Variants in SPATA16 observed in about 807,000 individuals in gnomAD.
SPATA16 encodes spermatogenesis-associated protein 16.
SPATA16 carries 36 observed loss-of-function variants against 63.3 expected under a neutral mutation model. The ratio of observed to expected loss-of-function variants is 0.57; its 90% confidence interval spans 0.44 to 0.75. The LOEUF (loss-of-function observed/expected upper bound fraction) is 0.75, where lower values mean the gene tolerates loss of function less well. Ranked by LOEUF, SPATA16 falls within the 30% of genes least tolerant of loss-of-function variation. SPATA16 has a pLI of 0.00. For missense variants in SPATA16, 646 were observed against 679.3 expected (o/e 0.95, Z 0.54); for synonymous variants, 203 against 216.7 (o/e 0.94, Z 0.56).
intron 10 of SPATA16, among the ~76,000 whole-genome samples, chr3:172,912,174 C>T (rs1312764414): frequency 6.6e-6 from 1 of 152,188 alleles, no homozygotes; most frequent in Non-Finnish European, 1.5e-5. Context: ...TGGAAAACCA[C>T]TACACATTCT....
chr3:173,088,374 C>T (rs1395182952), intron 2 of SPATA16, among the ~76,000 whole-genome samples: 9 of 151,954 alleles, frequency 5.9e-5, no homozygotes, highest in Admixed American at 5.9e-4. Context: ...TAAGCCACTG[C>T]ACTTGGTCGC....
intron 8 of SPATA16, 88 bp downstream of exon 8, chr3:172,924,120 T>C: frequency 9.1e-7 from 1 of 1,095,996 alleles, no homozygotes. Flanking sequence ...CCCCTAACAC[T>C]TGCACTATTT....
chr3:173,066,016 C>A (rs950614115), intron 2 of SPATA16, among the ~76,000 whole-genome samples: 3 of 152,126 alleles, frequency 2.0e-5, no homozygotes, highest in Admixed American at 1.3e-4. Context: ...CCATGGTAGT[C>A]AAGGGAATGC....
At chr3:172,950,362 C>T (rs762152885) in intron 6 of SPATA16, among the ~76,000 whole-genome samples, 10 of 152,102 alleles carry the variant, frequency 6.6e-5, no homozygotes, top group Non-Finnish European at 1.3e-4. Context: ...AGAATTTAGC[C>T]CCATAGATGA....
At chr3:173,048,283 T>C (rs548039991) in intron 3 of SPATA16, among the ~76,000 whole-genome samples, 1 of 152,074 alleles carries the variant, frequency 6.6e-6, no homozygotes, top group East Asian at 1.9e-4. Context: ...CACTTTATCT[T>C]TGCTGCAGAT....
chr3:173,042,369 T>C (rs2108290341), intron 3 of SPATA16, among the ~76,000 whole-genome samples: 1 of 152,110 alleles, frequency 6.6e-6, no homozygotes, highest in African/African-American at 2.4e-5. Flanking sequence ...CTGTTACAGG[T>C]GTGTGCCACC....
intron 8 of SPATA16, among the ~76,000 whole-genome samples, chr3:172,922,779 TA>T (rs1246691552): frequency 1.3e-5 from 2 of 151,922 alleles, no homozygotes; most frequent in Non-Finnish European, 2.9e-5. Context: ...AAAAATTAGC[TA>T]GGCATGGTGG....
chr3:173,137,648 T>C (rs982613428), intron 1 of SPATA16, among the ~76,000 whole-genome samples: 5 of 152,214 alleles, frequency 3.3e-5, no homozygotes, highest in African/African-American at 1.2e-4. Context: ...ACATGATGCT[T>C]CTTCACTGTT....
intron 5 of SPATA16, among the ~76,000 whole-genome samples, chr3:172,971,337 A>G (rs1179596845): frequency 6.6e-6 from 1 of 152,242 alleles, no homozygotes; most frequent in Non-Finnish European, 1.5e-5. Flanking sequence ...ATTGTAAAAC[A>G]ACTATGCCAA....
At chr3:172,975,460 T>G (rs1734134390) in intron 5 of SPATA16, among the ~76,000 whole-genome samples, 1 of 152,132 alleles carries the variant, frequency 6.6e-6, no homozygotes, top group Non-Finnish European at 1.5e-5. Flanking sequence ...CACAACTCCT[T>G]TCCCACCTCT....
chr3:172,999,612 C>G (rs1168378713), intron 4 of SPATA16, among the ~76,000 whole-genome samples: 1 of 152,132 alleles, frequency 6.6e-6, no homozygotes, highest in African/African-American at 2.4e-5. Context: ...TGGGGTTTCA[C>G]CATGTTGGTC....
chr3:172,953,290 G>GA (rs1330665119), intron 6 of SPATA16, among the ~76,000 whole-genome samples: 1 of 152,110 alleles, frequency 6.6e-6, no homozygotes, highest in Admixed American at 6.5e-5. Context: ...CTCCATTGTA[G>GA]ATCCTCTTCT....
chr3:173,051,117 T>C (rs1051889620), intron 2 of SPATA16, among the ~76,000 whole-genome samples: 2 of 152,186 alleles, frequency 1.3e-5, no homozygotes, highest in African/African-American at 4.8e-5. Context: ...AAAACACAAA[T>C]AAATAGAAAA....
chr3:172,975,034 C>A (rs1452815016), intron 5 of SPATA16, among the ~76,000 whole-genome samples: 2 of 152,006 alleles, frequency 1.3e-5, no homozygotes, highest in Admixed American at 1.3e-4. Context: ...TTTTATATCA[C>A]AAACATGCAT....
intron 2 of SPATA16, among the ~76,000 whole-genome samples, chr3:173,111,068 G>T (rs2108331839): frequency 6.6e-6 from 1 of 152,318 alleles, no homozygotes; most frequent in Non-Finnish European, 1.5e-5. Context: ...TGTGAAATCA[G>T]GGGACCTGAA....
At chr3:173,107,098 A>G (rs1737638171) in intron 2 of SPATA16, among the ~76,000 whole-genome samples, 1 of 152,104 alleles carries the variant, frequency 6.6e-6, no homozygotes, top group Non-Finnish European at 1.5e-5. Flanking sequence ...TTGTCTTACC[A>G]TTATAAGACT....
intron 2 of SPATA16, among the ~76,000 whole-genome samples, chr3:173,063,801 T>C (rs1202268213): frequency 6.6e-6 from 1 of 152,188 alleles, no homozygotes; most frequent in Non-Finnish European, 1.5e-5. Flanking sequence ...CTTAGAAATG[T>C]TGGAATAACC....
At chr3:173,092,569 C>T (rs575160832) in intron 2 of SPATA16, among the ~76,000 whole-genome samples, 76 of 152,092 alleles carry the variant, frequency 5.0e-4, no homozygotes, top group Non-Finnish European at 9.4e-4. Context: ...GCTTTGAAGA[C>T]GGAGGAAGGG....
chr3:172,969,255 C>T (rs950044991), intron 5 of SPATA16, among the ~76,000 whole-genome samples: 3 of 152,146 alleles, frequency 2.0e-5, no homozygotes, highest in Non-Finnish European at 4.4e-5. Flanking sequence ...GCTGCCTAAT[C>T]TACTGGGAGG....
Sources: gnomAD v4.1 joint callset for allele counts (sites outside exome capture counted in the v4.1 genomes callset) on GRCh38, gnomAD v4.1.1 for gene constraint, MANE v1.5 for transcripts, NCBI Gene and HGNC (gene_info 2026-07-23, HGNC 2026-07-21) for gene names.